The following WWOX variants were observed in gnomAD, a reference collection of about 807,000 sequenced individuals.
The protein encoded by WWOX is WW domain-containing oxidoreductase.
A neutral mutation model predicts 46.2 loss-of-function variants in WWOX; 69 were observed. The observed-to-expected ratio is 1.49, with a 90% CI of 1.23 to 1.82. The LOEUF (loss-of-function observed/expected upper bound fraction) is 1.82, where lower values mean the gene tolerates loss of function less well. Among genes scored for constraint, WWOX ranks in the 40% most tolerant of loss-of-function variants. The pLI is 0.00. For synonymous variants in WWOX, 359 were observed against 202.6 expected (o/e 1.77, Z -6.56); for missense variants, 919 against 542.6 (o/e 1.69, Z -6.89).
chr16:78,692,253 A>G lies in WWOX; in HGVS notation c.1056+259501A>G, dbSNP rs144999977. On this transcript the variant is annotated intron_variant, in intron 8 of 8. Coordinates refer to ENST00000566780, the MANE Select transcript of WWOX (RefSeq NM_016373.4). The stretch of plus-strand genomic sequence containing the variant: ...ATTAATATCTAGTCCATTTCTCTCA[A>G]TCTAATAGTAAATGGAAGAGAAGCA... 4.2e-3 allele frequency among the ~76,000 whole-genome samples: 633 copies of G among 152,308 alleles called. 2 individuals carry two copies. Among genetic ancestry groups the G allele is most frequent in the African/African-American group, 0.015 (607 of 41,560 alleles).
intron 8 of WWOX, among the ~76,000 whole-genome samples, chr16:78,889,899 C>T (rs1277467994): frequency 6.6e-6 from 1 of 152,136 alleles, no homozygotes; most frequent in African/African-American, 2.4e-5. Context: ...AATGTAAACT[C>T]CCACTGTTTA....
At chr16:78,316,071 C>T (rs575664802) in intron 5 of WWOX, among the ~76,000 whole-genome samples, 1 of 151,574 alleles carries the variant, frequency 6.6e-6, no homozygotes, top group South Asian at 2.1e-4. Flanking sequence ...CATGGTGAAA[C>T]CCTGTCTCTA....
At chr16:78,985,741 C>T (rs994344075) in intron 8 of WWOX, among the ~76,000 whole-genome samples, 1 of 151,468 alleles carries the variant, frequency 6.6e-6, no homozygotes, top group East Asian at 2.0e-4. Context: ...TGCACTCCAG[C>T]CTGGGCAAAA....
At chr16:79,097,303 C>G (rs1259115758) in intron 8 of WWOX, among the ~76,000 whole-genome samples, 1 of 151,932 alleles carries the variant, frequency 6.6e-6, no homozygotes, top group Admixed American at 6.6e-5. Flanking sequence ...ATCCGAGATG[C>G]CATTCGCAAT....
intron 5 of WWOX, among the ~76,000 whole-genome samples, chr16:78,378,646 C>G (rs554173759): frequency 1.3e-5 from 2 of 152,296 alleles, no homozygotes; most frequent in South Asian, 2.1e-4. Flanking sequence ...GTAAATGTGA[C>G]AGCTCCTATT....
chr16:78,924,244 G>A (rs1364834461), intron 8 of WWOX, among the ~76,000 whole-genome samples: 1 of 152,116 alleles, frequency 6.6e-6, no homozygotes, highest in Non-Finnish European at 1.5e-5. Flanking sequence ...TAGACGTCTT[G>A]GAAAAGAACT....
chr16:78,450,071 G>A (rs2083656757), intron 8 of WWOX, among the ~76,000 whole-genome samples: 1 of 151,922 alleles, frequency 6.6e-6, no homozygotes, highest in Non-Finnish European at 1.5e-5. Flanking sequence ...TTAGAAAATA[G>A]GTTTGAGATT....
chr16:78,422,754 T>C (rs1178267973), intron 6 of WWOX, among the ~76,000 whole-genome samples: 7 of 108,772 alleles, frequency 6.4e-5, no homozygotes, highest in African/African-American at 4.3e-4. Flanking sequence ...TATACACATA[T>C]ATACACATAT....
intron 8 of WWOX, among the ~76,000 whole-genome samples, chr16:78,560,600 C>T (rs776461084): frequency 2.6e-5 from 4 of 152,032 alleles, no homozygotes; most frequent in East Asian, 1.9e-4. Context: ...GCTGAGATCA[C>T]GCCATTATAC....
At chr16:78,974,015 T>C (rs1410496260) in intron 8 of WWOX, among the ~76,000 whole-genome samples, 1 of 152,234 alleles carries the variant, frequency 6.6e-6, no homozygotes, top group Non-Finnish European at 1.5e-5. Flanking sequence ...ACAAAACTCA[T>C]GCAACATTTA....
chr16:79,167,293 T>C (rs368279535), intron 8 of WWOX, among the ~76,000 whole-genome samples: 5 of 152,314 alleles, frequency 3.3e-5, no homozygotes, highest in East Asian at 3.9e-4. Context: ...GAAGCAAATA[T>C]GACAAAATGC....
intron 8 of WWOX, among the ~76,000 whole-genome samples, chr16:79,125,892 G>A (rs1431550086): frequency 4.6e-5 from 7 of 152,146 alleles, no homozygotes; most frequent in Non-Finnish European, 7.3e-5. Flanking sequence ...CGTCGAAGGC[G>A]TGGTTTCTTT....
intron 8 of WWOX, among the ~76,000 whole-genome samples, chr16:79,116,460 C>T (rs112630225): frequency 3.9e-5 from 6 of 152,302 alleles, no homozygotes; most frequent in African/African-American, 1.2e-4. Flanking sequence ...TGACGTTGTT[C>T]ATGACAATGT....
chr16:78,401,325 G>C (rs2082408017), intron 6 of WWOX, among the ~76,000 whole-genome samples: 1 of 152,148 alleles, frequency 6.6e-6, no homozygotes, highest in African/African-American at 2.4e-5. Context: ...TAAAAATTTT[G>C]AACCTAATAT....
At chr16:78,262,901 C>A (rs868576634) in intron 5 of WWOX, among the ~76,000 whole-genome samples, 1 of 152,168 alleles carries the variant, frequency 6.6e-6, no homozygotes, top group Non-Finnish European at 1.5e-5. Flanking sequence ...AAGCTATTTG[C>A]AGCATTCCCT....
chr16:78,783,869 G>T (rs548362237), intron 8 of WWOX, among the ~76,000 whole-genome samples: 15 of 124,748 alleles, frequency 1.2e-4, no homozygotes, highest in African/African-American at 4.4e-4. Context: ...GCTGATGATG[G>T]TGATGACGAT....
intron 8 of WWOX, among the ~76,000 whole-genome samples, chr16:79,074,536 C>G (rs1226920612): frequency 6.9e-6 from 1 of 145,964 alleles, no homozygotes; most frequent in Non-Finnish European, 1.5e-5. Flanking sequence ...CAACAGTGAC[C>G]ATGAGGGGAT....
At chr16:78,419,912 C>G (rs1322249176) in intron 6 of WWOX, among the ~76,000 whole-genome samples, 4 of 151,970 alleles carry the variant, frequency 2.6e-5, no homozygotes, top group African/African-American at 7.2e-5. Flanking sequence ...GGATTTGTAT[C>G]TAGAATAAAG....
chr16:79,000,971 C>G (rs1015483396), intron 8 of WWOX, among the ~76,000 whole-genome samples: 3 of 152,078 alleles, frequency 2.0e-5, no homozygotes, highest in African/African-American at 7.2e-5. Context: ...CTATGAGATT[C>G]CTAGGGCCTA....
Sources: allele counts gnomAD v4.1 joint callset (sites outside exome capture counted in the v4.1 genomes callset), GRCh38; gene constraint gnomAD v4.1.1; transcripts MANE v1.5; gene names NCBI Gene and HGNC (gene_info 2026-07-23, HGNC 2026-07-21).